ZNF804A: variants seen among roughly 807,000 people sequenced by gnomAD.
ZNF804A encodes the protein zinc finger protein 804A.
A neutral mutation model predicts 16.5 loss-of-function variants in ZNF804A; 2 were observed. That is an observed-to-expected ratio of 0.12 (90% CI 0.05 to 0.38). ZNF804A has a LOEUF of 0.38. Among genes scored for constraint, ZNF804A ranks in the 10% least tolerant of loss-of-function variants. The probability of loss-of-function intolerance (pLI) is 0.99; values close to 1 mark genes in which losing one functional copy is unlikely to be tolerated. For synonymous variants in ZNF804A, 534 were observed against 489.6 expected (o/e 1.09, Z -1.20); for missense variants, 1,473 against 1,390.7 (o/e 1.06, Z -0.94).
At chr2:184,847,074 T>C (rs1303188130) in intron 1 of ZNF804A, among the ~76,000 whole-genome samples, 3 of 152,166 alleles carry the variant, frequency 2.0e-5, no homozygotes, top group Admixed American at 6.6e-5. Context: ...TTAAAGGAGA[T>C]ATCACTTTTC....
At chr2:184,638,572 AT>A (rs1691741265) in intron 1 of ZNF804A, among the ~76,000 whole-genome samples, 1 of 152,202 alleles carries the variant, frequency 6.6e-6, no homozygotes, top group African/African-American at 2.4e-5. Context: ...TCAGATTTCA[AT>A]TACATTTACA....
intron 2 of ZNF804A, among the ~76,000 whole-genome samples, chr2:184,924,499 A>G (rs1460159278): frequency 6.6e-6 from 1 of 151,468 alleles, no homozygotes; most frequent in Non-Finnish European, 1.5e-5. Flanking sequence ...AACTTTTTAA[A>G]AAAACCTTCT....
In ZNF804A at chr2:184,937,836, C is replaced by A. The variant is rs772974941; in HGVS notation, c.2440C>A (p.Arg814=). The change falls in exon 4 of 4, where the codon CGA becomes AGA. Residue 814 remains arginine, a synonymous_variant. Coordinates refer to ENST00000302277, the MANE Select transcript of ZNF804A (RefSeq NM_194250.2). ...CTGCAAGCCTAAAAAGAAACGGAGG[C>A]GAAAAAGAGGCAGATTCCACCCCGG... ...APCKPKKKRR[R]KRGRFHPGFE... The A allele has an allele frequency of 6.2e-7, 1 of 1,613,882 alleles. No individual in the cohort carries two copies. The highest frequency in any genetic ancestry group is 1.3e-5 in the African/African-American group (1 of 74,982).
intron 2 of ZNF804A, among the ~76,000 whole-genome samples, chr2:184,877,865 T>C (rs1198976018): frequency 6.6e-6 from 1 of 151,940 alleles, no homozygotes; most frequent in African/African-American, 2.4e-5. Flanking sequence ...AGAATACTTG[T>C]TGAAAAAATA....
At chr2:184,652,720 G>T (rs1430557158) in intron 1 of ZNF804A, among the ~76,000 whole-genome samples, 2 of 152,090 alleles carry the variant, frequency 1.3e-5, no homozygotes, top group African/African-American at 4.8e-5. Flanking sequence ...GTTCGGCTGT[G>T]TCCCCACCCA....
At chr2:184,706,792 G>C (rs757676131) in intron 1 of ZNF804A, among the ~76,000 whole-genome samples, 6 of 152,170 alleles carry the variant, frequency 3.9e-5, no homozygotes, top group Non-Finnish European at 8.8e-5. Context: ...AACTTCGTGT[G>C]TCAATATATC....
chr2:184,641,932 T>C (rs1352339539), intron 1 of ZNF804A, among the ~76,000 whole-genome samples: 1 of 152,194 alleles, frequency 6.6e-6, no homozygotes, highest in Non-Finnish European at 1.5e-5. Context: ...TGTTAGAATA[T>C]TGAGAGGAGA....
chr2:184,931,739 AT>A (rs1301484938), intron 2 of ZNF804A, among the ~76,000 whole-genome samples: 2 of 152,142 alleles, frequency 1.3e-5, no homozygotes, highest in Non-Finnish European at 2.9e-5. Flanking sequence ...GCCAGCTTGA[AT>A]TTCTCCTCAG....
chr2:184,866,853 T>G (rs1373507441), intron 2 of ZNF804A, among the ~76,000 whole-genome samples: 1 of 150,692 alleles, frequency 6.6e-6, no homozygotes, highest in East Asian at 1.9e-4. Context: ...AATCAATAAT[T>G]TATGCATTAT....
chr2:184,632,876 T>A (rs753217259), intron 1 of ZNF804A, among the ~76,000 whole-genome samples: 6 of 152,224 alleles, frequency 3.9e-5, no homozygotes, highest in African/African-American at 1.4e-4. Flanking sequence ...CAGTCTAACA[T>A]TGACTACCTA....
intron 1 of ZNF804A, among the ~76,000 whole-genome samples, chr2:184,828,636 A>G (rs1695210241): frequency 6.6e-6 from 1 of 151,570 alleles, no homozygotes; most frequent in South Asian, 2.1e-4. Flanking sequence ...CTGTATTTCA[A>G]TGCTTATTTC....
chr2:184,741,819 C>T (rs1224897132), intron 1 of ZNF804A, among the ~76,000 whole-genome samples: 2 of 152,030 alleles, frequency 1.3e-5, no homozygotes, highest in South Asian at 2.1e-4. Flanking sequence ...TTGTGATAAA[C>T]TGGTCATTCT....
rs1428792055 is a variant in ZNF804A, at chr2:184,733,869, T to C, written c.112-132500T>C. Among the ~76,000 whole-genome samples, 3 of 152,138 alleles carry C rather than the reference T, an allele frequency of 2.0e-5. No homozygotes were observed. In the East Asian group the frequency reaches 5.8e-4, roughly 29 times the overall value. ...ATGTAATCTGTGGTTATGTCTCTTC[T>C]TTAATTTCTAATTTTAGCAATTTGT... On this transcript the variant is annotated intron_variant, in intron 1 of 3. Transcript: ENST00000302277.
intron 2 of ZNF804A, among the ~76,000 whole-genome samples, chr2:184,932,307 T>C (rs1343245564): frequency 6.6e-6 from 1 of 152,112 alleles, no homozygotes; most frequent in Non-Finnish European, 1.5e-5. Context: ...ACATCTGAGA[T>C]TGGGTAATGT....
At chr2:184,832,182 C>T (rs900259052) in intron 1 of ZNF804A, among the ~76,000 whole-genome samples, 1 of 151,898 alleles carries the variant, frequency 6.6e-6, no homozygotes, top group East Asian at 1.9e-4. Flanking sequence ...AAGAAGCTAT[C>T]GAAGGCCTGT....
chr2:184,666,285 A>G (rs936196018), intron 1 of ZNF804A, among the ~76,000 whole-genome samples: 2 of 152,090 alleles, frequency 1.3e-5, no homozygotes, highest in Non-Finnish European at 2.9e-5. Context: ...AAATAGCCTT[A>G]TTAATTAGTA....
rs10593157 is a variant in ZNF804A at position 184,703,689 on chromosome 2, CAAAAAAAAAAAA to C, written c.111+104631_111+104642del. 1.7e-3 allele frequency among the ~76,000 whole-genome samples: 95 copies of C among 56,462 alleles called. 1 individual carries two copies. The highest frequency in any genetic ancestry group is 0.011 in the East Asian group (16 of 1,438). The allele number at this position is 56,462 out of a possible 152,430, so 37.0% of individuals were successfully genotyped here. A position where few individuals can be genotyped will look rare whatever the true frequency, so the allele number is the denominator to read the frequency against. ...TGGGCGACAGAGCAAGACTCCGGTT[CAAAAAAAAAAAA>C]AAAAAAAAAAAGAAAGAAAGAAAGA... is the stretch of plus-strand genomic sequence containing the variant. On this transcript the variant is annotated intron_variant, in intron 1 of 3. Transcript: ENST00000302277.
chr2:184,814,210 AT>A (rs1278309313), intron 1 of ZNF804A, among the ~76,000 whole-genome samples: 3 of 151,854 alleles, frequency 2.0e-5, no homozygotes, highest in Non-Finnish European at 4.4e-5. Flanking sequence ...ATATCAATAC[AT>A]TGCTATTAAA....
intron 2 of ZNF804A, among the ~76,000 whole-genome samples, chr2:184,879,626 G>T (rs888009951): frequency 6.6e-6 from 1 of 151,974 alleles, no homozygotes; most frequent in African/African-American, 2.4e-5. Context: ...TTGCTGTTCA[G>T]CAGGAAAAAG....
Sources: allele counts gnomAD v4.1 joint callset (sites outside exome capture counted in the v4.1 genomes callset), GRCh38; gene constraint gnomAD v4.1.1; transcripts MANE v1.5; gene names NCBI Gene and HGNC (gene_info 2026-07-23, HGNC 2026-07-21).